CD163: variants seen among roughly 807,000 people sequenced by gnomAD.
The protein encoded by CD163 is CD163 molecule.
Under a neutral mutation model 129.2 loss-of-function variants are expected in CD163, and 64 were observed. That is an observed-to-expected ratio of 0.50 (90% CI 0.41 to 0.61). CD163 has a LOEUF of 0.61. Among genes scored for constraint, CD163 ranks in the 20% least tolerant of loss-of-function variants. CD163 has a pLI of 0.00. For missense variants in CD163, 1,061 were observed against 1,377.9 expected (o/e 0.77, Z 3.64); for synonymous variants, 446 against 478.5 (o/e 0.93, Z 0.89).
In CD163 at chr12:7,487,444, A is replaced by T; in HGVS notation, c.1965T>A (p.Thr655=). ...IWRHMFHCTG[T]EQHMGDCPVT... is the part of the protein sequence containing the mutation. ...CAGGACAATCTCCCATGTGCTGCTC[A>T]GTCCCAGTGCAGTGAAACATATGCC... Residue 655 remains threonine, a synonymous_variant, in exon 8 of 17, where the codon ACT becomes ACA. Coordinates refer to ENST00000432237, the MANE Select transcript of CD163 (RefSeq NM_203416.4). This position sits in a 1 kb window ranked among gnomAD's most constrained non-coding sequence, Gnocchi z 5.1. The T allele has an allele frequency of 6.2e-7, 1 of 1,614,082 alleles. No homozygotes were observed. The highest frequency in any genetic ancestry group is 1.3e-5 in the African/African-American group (1 of 75,036).
At chr12:7,481,132 G>A in intron 15 of CD163, 29 bp downstream of exon 15, 2 of 1,610,842 alleles carry the variant, frequency 1.2e-6, no homozygotes, top group Non-Finnish European at 8.5e-7. Flanking sequence ...TGAACCCCTG[G>A]GCAATAGACC....
chr12:7,481,754 A>G (rs1949165212), intron 14 of CD163, among the ~76,000 whole-genome samples: 1 of 152,190 alleles, frequency 6.6e-6, no homozygotes, highest in South Asian at 2.1e-4. Flanking sequence ...TCTTATGTGA[A>G]ACATAAGAAC....
In CD163 at chr12:7,487,583, T is replaced by C. The variant is rs1949270969; in HGVS notation, c.1826A>G (p.Asn609Ser). 3.1e-6 allele frequency: 5 copies of C among 1,614,006 alleles called. No homozygotes were observed. The African/African-American group carries it at 5.3e-5, about 17-fold the overall frequency. ...GGCATCTTCTATGTCCCAGTGAGAGTTACAGAGGGATCCCCAGGCACCAAG... is the reference window on the plus strand; with the variant it reads ...GGCATCTTCTATGTCCCAGTGAGAGCTACAGAGGGATCCCCAGGCACCAAG... ...KTLGAWGSLC[N>S]SHWDIEDAHV... is the part of the protein sequence containing the mutation. The change falls in exon 8 of 17, where the codon AAC (asparagine) becomes AGC (serine). Residue 609 changes from asparagine (N) to serine (S), a missense_variant. Transcript: ENST00000432237. This position sits in a 1 kb window ranked among gnomAD's most constrained non-coding sequence, Gnocchi z 5.1.
chr12:7,491,845 T>C (rs1020074940), intron 6 of CD163, among the ~76,000 whole-genome samples: 8 of 152,144 alleles, frequency 5.3e-5, no homozygotes, highest in African/African-American at 1.4e-4. Context: ...ACAAACAAAA[T>C]GTCTGAGATT....
intron 16 of CD163, among the ~76,000 whole-genome samples, chr12:7,476,692 C>G (rs1395886611): frequency 6.6e-6 from 1 of 152,200 alleles, no homozygotes. Context: ...GACTTCATAA[C>G]TAAAACACCA....
intron 16 of CD163, among the ~76,000 whole-genome samples, chr12:7,476,063 A>T (rs142892866): frequency 2.0e-5 from 3 of 152,300 alleles, no homozygotes; most frequent in African/African-American, 7.2e-5. Context: ...GAGAACTACC[A>T]ACCAGTGCTC....
chr12:7,477,443 G>C (rs1263141994), intron 16 of CD163, among the ~76,000 whole-genome samples: 2 of 152,144 alleles, frequency 1.3e-5, no homozygotes, highest in African/African-American at 4.8e-5. Context: ...GCAGGGATAT[G>C]GATGAAGCTG....
rs1592007826 is a variant in CD163, at chr12:7,495,181, A to C, written c.1320T>G (p.Ser440Arg). 1 of 1,614,160 alleles carries C rather than the reference A, an allele frequency of 6.2e-7. No homozygotes were observed. The highest frequency in any genetic ancestry group is 1.3e-5 in the African/African-American group (1 of 75,060). ...IQATNTWLFL[S>R]SCNGNETSLW... ...GAGAAGTTTCATTTCCGTTACAGCT[A>C]CTTAGAAACAGCCATGTGTTTGTTG... The change falls in exon 6 of 17, where the codon AGT becomes AGG. Residue 440 changes from serine to arginine, a missense_variant. Coordinates refer to ENST00000432237, the MANE Select transcript of CD163 (RefSeq NM_203416.4).
At chr12:7,478,719 C>A (rs1364904131) in intron 16 of CD163, among the ~76,000 whole-genome samples, 1 of 151,902 alleles carries the variant, frequency 6.6e-6, no homozygotes, top group African/African-American at 2.4e-5. Flanking sequence ...TTGTCTTAAT[C>A]TATATTTCGT....
At position 7,495,297 on chromosome 12, in the gene CD163, A is replaced by G. The variant is rs1949384905; in HGVS notation, c.1204T>C (p.Trp402Arg). The change falls in exon 6 of 17, where the codon TGG becomes CGG. Residue 402 changes from tryptophan (W) to arginine (R), a missense_variant. Coordinates refer to ENST00000432237, the MANE Select transcript of CD163 (RefSeq NM_203416.4). ...RLLGKVCDRGWGLKEADVVCR... is the reference protein window; with the variant it reads ...RLLGKVCDRGRGLKEADVVCR... Reference sequence around the variant, plus strand: ...ACCACATCAGCTTCTTTCAGTCCCCAGCCTCTGTCACACACCTTCCCTAAC... The same window carrying G: ...ACCACATCAGCTTCTTTCAGTCCCCGGCCTCTGTCACACACCTTCCCTAAC... 6.2e-7 allele frequency: 1 copy of G among 1,614,154 alleles called. No individual in the cohort carries two copies. The highest frequency in any genetic ancestry group is 8.5e-7 in the Non-Finnish European group (1 of 1,180,018).
At chr12:7,480,933 C>A in intron 15 of CD163, 11 of 1,214,094 alleles carry the variant, frequency 9.1e-6, no homozygotes, top group Non-Finnish European at 1.1e-5. Context: ...TCTTTCCATA[C>A]CTCTATCAGG....
intron 16 of CD163, among the ~76,000 whole-genome samples, chr12:7,478,043 AT>A (rs1415133643): frequency 2.0e-5 from 3 of 152,060 alleles, no homozygotes; most frequent in Admixed American, 2.0e-4. Context: ...TTTTATAATG[AT>A]TTTTTCTTTT....
chr12:7,497,297 G>GGAGT (rs144181823), intron 4 of CD163, among the ~76,000 whole-genome samples, 164 bp from the exon 5 acceptor site: 16,298 of 152,220 alleles, frequency 0.11, 1,157 homozygotes, highest in Middle Eastern at 0.19. Context: ...GATGGAAGGA[G>GGAGT]GAGTGGATCA....
chr12:7,483,119 C>T (rs1232076143), intron 12 of CD163, 115 bp from the exon 13 acceptor site: 2 of 1,064,358 alleles, frequency 1.9e-6, no homozygotes, highest in Non-Finnish European at 1.4e-6. Context: ...GACTCTTTCC[C>T]ACCTAAAACT....
chr12:7,484,460 G>A (rs1591998518), intron 11 of CD163, among the ~76,000 whole-genome samples: 2 of 151,698 alleles, frequency 1.3e-5, no homozygotes, highest in Non-Finnish European at 1.5e-5. Context: ...GCCAACATGG[G>A]GAAACCCCAT....
chr12:7,487,033 G>A lies in CD163; in HGVS notation c.2051-47C>T, dbSNP rs762232731. 13 of 1,441,442 alleles carry A rather than the reference G, an allele frequency of 9.0e-6. No homozygotes were observed. In the East Asian group the frequency reaches 2.1e-4, roughly 23 times the overall value. The allele number at this position is 1,441,442 out of a possible 1,614,324, so 89.3% of individuals were successfully genotyped here. On this transcript the variant is annotated intron_variant, in intron 8 of 16. Transcript: ENST00000432237. The surrounding 1 kb of genome is among the most constrained non-coding windows in gnomAD (Gnocchi z 5.1). ...GTCATACAAGACACAAAAGGTTAGGGGAGTCAGATGAAATGTTATATGGAT... is the reference window on the plus strand; with the variant it reads ...GTCATACAAGACACAAAAGGTTAGGAGAGTCAGATGAAATGTTATATGGAT...
intron 16 of CD163, among the ~76,000 whole-genome samples, chr12:7,477,089 C>T (rs748794482): frequency 6.6e-5 from 10 of 152,258 alleles, no homozygotes; most frequent in African/African-American, 2.2e-4. Context: ...CAGGAAACAA[C>T]GGATGCTGGA....
At chr12:7,476,689 T>C (rs1026745173) in intron 16 of CD163, among the ~76,000 whole-genome samples, 1 of 152,224 alleles carries the variant, frequency 6.6e-6, no homozygotes, top group Non-Finnish European at 1.5e-5. Flanking sequence ...AAAGACTTCA[T>C]AACTAAAACA....
chr12:7,493,498 T>C (rs960684463), intron 6 of CD163, among the ~76,000 whole-genome samples: 2 of 152,204 alleles, frequency 1.3e-5, no homozygotes, highest in African/African-American at 2.4e-5. Flanking sequence ...TGCTTATCTA[T>C]TTGACTAATT....
Sources: allele counts gnomAD v4.1 joint callset (sites outside exome capture counted in the v4.1 genomes callset), GRCh38; gene constraint gnomAD v4.1.1; non-coding constraint Gnocchi (gnomAD v3.1); transcripts MANE v1.5; gene names NCBI Gene and HGNC (gene_info 2026-07-23, HGNC 2026-07-21).